Variants in SYT1 observed in about 807,000 individuals in gnomAD.
The protein encoded by SYT1 is synaptotagmin-1.
Under a neutral mutation model 44.8 loss-of-function variants are expected in SYT1, and 8 were observed. The observed-to-expected ratio is 0.18, with a 90% CI of 0.10 to 0.32. The LOEUF (loss-of-function observed/expected upper bound fraction) is 0.32. Among genes scored for constraint, SYT1 ranks in the 10% least tolerant of loss-of-function variants. The pLI is 1.00. For synonymous variants in SYT1, 154 were observed against 188.8 expected, an observed-to-expected ratio of 0.82 and a Z score of 1.51; for missense variants, 286 against 509.3, an observed-to-expected ratio of 0.56 and a Z score of 4.22.
intron 9 of SYT1, among the ~76,000 whole-genome samples, chr12:79,416,516 A>AT (rs1295391232): frequency 6.6e-6 from 1 of 152,130 alleles, no homozygotes; most frequent in Non-Finnish European, 1.5e-5. Context: ...GATGATCACT[A>AT]TTTTTTCAAA....
At position 79,234,692 on chromosome 12, in the gene SYT1, CTTT is replaced by C. The variant is rs76546696; in HGVS notation, c.166+17008_166+17010del. Among the ~76,000 whole-genome samples the C allele has an allele frequency of 1.2e-3, 139 of 112,180 alleles. 2 individuals are homozygous for C. The highest frequency in any genetic ancestry group is 4.2e-3 in the Middle Eastern group (1 of 240). The allele number at this position is 112,180 out of a possible 152,430, so 73.6% of individuals were successfully genotyped here. ...GGTTATTTCTAGTTTGGGGCTTTTT[CTTT>C]CTTTCTTTCTTTCTTTCTTTTTTTT... On this transcript the variant is annotated intron_variant, in intron 4 of 10. Transcript: ENST00000261205.
chr12:79,244,193 AGAT>A (rs1876685047), intron 4 of SYT1, among the ~76,000 whole-genome samples: 2 of 152,214 alleles, frequency 1.3e-5, no homozygotes, highest in Admixed American at 6.5e-5. Context: ...CCAAAAATTA[AGAT>A]GCTTTAATTA....
At chr12:79,214,034 A>G (rs1312938265) in intron 3 of SYT1, among the ~76,000 whole-genome samples, 2 of 152,242 alleles carry the variant, frequency 1.3e-5, no homozygotes, top group African/African-American at 2.4e-5. Context: ...TTCCATAAAT[A>G]TGAATTTTCA....
intron 1 of SYT1, among the ~76,000 whole-genome samples, chr12:78,921,151 C>T (rs1399642844): frequency 2.0e-5 from 3 of 151,874 alleles, no homozygotes; most frequent in Non-Finnish European, 4.4e-5. Context: ...AGTTCTCTAT[C>T]TCATGTTTTT....
In SYT1 at chr12:79,451,272, A is replaced by G. The variant is rs1032328880; in HGVS notation, c.*2148A>G. 1.3e-5 allele frequency: 2 copies of G among 152,252 alleles called. No homozygotes were observed. Among genetic ancestry groups the G allele is most frequent in the African/African-American group, 4.8e-5 (2 of 41,472 alleles). The allele number at this position is 152,252 out of a possible 1,614,324, so 9.4% of individuals were successfully genotyped here. On this transcript the variant is annotated 3_prime_UTR_variant, in exon 11 of 11. Coordinates refer to ENST00000261205, the MANE Select transcript of SYT1 (RefSeq NM_005639.3). ...TCTGCCGATGGTCCGTACTTCTTAA[A>G]AAACATAGGTAATAGAAAATATACA...
chr12:79,107,363 A>G (rs1592754323), intron 3 of SYT1, among the ~76,000 whole-genome samples: 1 of 152,002 alleles, frequency 6.6e-6, no homozygotes, highest in Non-Finnish European at 1.5e-5. Flanking sequence ...TTTGATCAAC[A>G]ATTTGATCAA....
intron 3 of SYT1, among the ~76,000 whole-genome samples, chr12:79,200,923 T>G: frequency 6.6e-6 from 1 of 152,318 alleles, no homozygotes; most frequent in African/African-American, 2.4e-5. Context: ...GATAAATATC[T>G]AATTGGTGAA....
intron 3 of SYT1, among the ~76,000 whole-genome samples, chr12:79,150,302 A>G (rs1467708364): frequency 2.6e-5 from 4 of 152,204 alleles, no homozygotes; most frequent in African/African-American, 7.2e-5. Context: ...ATTTGCAACA[A>G]CATGAATGAA....
At chr12:79,172,540 T>C (rs1948023148) in intron 3 of SYT1, among the ~76,000 whole-genome samples, 1 of 151,978 alleles carries the variant, frequency 6.6e-6, no homozygotes, top group African/African-American at 2.4e-5. Flanking sequence ...ATTATGTTAC[T>C]AGTTTTGCTT....
intron 4 of SYT1, among the ~76,000 whole-genome samples, chr12:79,258,406 A>G (rs1217230777): frequency 3.3e-5 from 5 of 152,192 alleles, no homozygotes; most frequent in Non-Finnish European, 7.3e-5. Flanking sequence ...AGTTCTTCCA[A>G]GGATAGAGTG....
chr12:79,351,250 CT>C (rs1351857184), intron 8 of SYT1, among the ~76,000 whole-genome samples: 1 of 152,154 alleles, frequency 6.6e-6, no homozygotes, highest in Non-Finnish European at 1.5e-5. Flanking sequence ...TACAAATACT[CT>C]CTTCTGAAGA....
intron 3 of SYT1, among the ~76,000 whole-genome samples, chr12:79,076,657 G>A (rs536508934): frequency 6.6e-6 from 1 of 152,180 alleles, no homozygotes; most frequent in East Asian, 1.9e-4. Flanking sequence ...ATAAATTGTT[G>A]AGGCAGGGTG....
chr12:79,178,840 T>G (rs1210493173), intron 3 of SYT1, among the ~76,000 whole-genome samples: 2 of 149,470 alleles, frequency 1.3e-5, no homozygotes, highest in Admixed American at 6.7e-5. Context: ...TGCGATGGCG[T>G]GATCTCGGCT....
chr12:79,345,088 C>T (rs565821922), intron 8 of SYT1, among the ~76,000 whole-genome samples: 1 of 152,276 alleles, frequency 6.6e-6, no homozygotes, highest in East Asian at 1.9e-4. Flanking sequence ...TCCTGCCGAA[C>T]CTTCCTTATC....
chr12:78,929,445 A>AAAAAG, intron 1 of SYT1, among the ~76,000 whole-genome samples: 1 of 146,246 alleles, frequency 6.8e-6, no homozygotes, highest in Non-Finnish European at 1.5e-5. Flanking sequence ...AAAAAAAAAA[A>AAAAAG]AGGTTATTAG....
At chr12:79,393,596 A>T (rs1327058242) in intron 9 of SYT1, 2 of 152,114 alleles carry the variant, frequency 1.3e-5, no homozygotes, top group Non-Finnish European at 2.9e-5. Flanking sequence ...GGCTGCATAA[A>T]TGTCTTATTT....
intron 8 of SYT1, among the ~76,000 whole-genome samples, chr12:79,341,794 A>G (rs969941906): frequency 3.4e-5 from 5 of 148,544 alleles, no homozygotes; most frequent in African/African-American, 1.2e-4. Flanking sequence ...TCAGCCTCCC[A>G]AGTAGCTGGG....
At chr12:78,876,933 A>T (rs1178158442) in intron 1 of SYT1, among the ~76,000 whole-genome samples, 1 of 49,112 alleles carries the variant, frequency 2.0e-5, no homozygotes, top group Non-Finnish European at 4.6e-5. Flanking sequence ...TATATATTAT[A>T]TATTATATAT....
intron 9 of SYT1, among the ~76,000 whole-genome samples, chr12:79,419,672 A>C (rs1030504361): frequency 1.3e-5 from 2 of 152,150 alleles, no homozygotes; most frequent in African/African-American, 4.8e-5. Flanking sequence ...TAATAATATA[A>C]TGAAGACTCT....
Sources: gnomAD v4.1 joint callset for allele counts (sites outside exome capture counted in the v4.1 genomes callset) on GRCh38, gnomAD v4.1.1 for gene constraint, MANE v1.5 for transcripts, NCBI Gene and HGNC (gene_info 2026-07-23, HGNC 2026-07-21) for gene names.